CA5A: variants seen among roughly 807,000 people sequenced by gnomAD.
CA5A encodes the protein carbonic anhydrase 5A, also known as carbonic anhydrase 5A, mitochondrial.
A neutral mutation model predicts 37.1 loss-of-function variants in CA5A; 28 were observed. The ratio of observed to expected loss-of-function variants is 0.75; its 90% CI spans 0.56 to 1.03. The LOEUF (loss-of-function observed/expected upper bound fraction) is 1.03. Among genes scored for constraint, CA5A ranks in the 50% least tolerant of loss-of-function variants. The pLI is 0.00. For synonymous variants in CA5A, 171 were observed against 158.4 expected (o/e 1.08, Z -0.60); for missense variants, 444 against 399.9 (o/e 1.11, Z -0.94).
chr16:87,907,696 A>G (rs891347551), intron 2 of CA5A, among the ~76,000 whole-genome samples: 6 of 152,186 alleles, frequency 3.9e-5, no homozygotes, highest in African/African-American at 1.4e-4. Context: ...AGGCCAAGGT[A>G]GGCAGATCAC....
chr16:87,918,544 G>A (rs910302050), intron 2 of CA5A, among the ~76,000 whole-genome samples: 25 of 152,214 alleles, frequency 1.6e-4, no homozygotes, highest in Admixed American at 1.4e-3. Context: ...ACTGCTGGCA[G>A]TGTCCACGCC....
rs537863318 is a variant in CA5A at position 87,928,978 on chromosome 16, C to G, written c.143-2033G>C. Among the ~76,000 whole-genome samples, 11 of 149,686 alleles carry G rather than the reference C, an allele frequency of 7.3e-5. No individual in the cohort carries two copies. In the South Asian group the frequency reaches 2.3e-3, roughly 32 times the overall value. ...TAGAGACGGGGTTTCACTGTGTTAG[C>G]CAGGATGGTCTCCATCTCCTGACCT... is the stretch of plus-strand genomic sequence containing the variant. On this transcript the variant is annotated intron_variant, in intron 1 of 6. Coordinates refer to ENST00000649794, the MANE Select transcript of CA5A (RefSeq NM_001739.2).
In CA5A at chr16:87,931,758, G is replaced by C. The variant is rs546219214; in HGVS notation, c.142+4551C>G. ...GCCGGAAAGCAGTGACTAAGCCGGC[G>C]CTGGGAAACAGTGGGCCCTGCGGCA... is the stretch of plus-strand genomic sequence containing the variant. On this transcript the variant is annotated intron_variant, in intron 1 of 6. Coordinates refer to ENST00000649794, the MANE Select transcript of CA5A (RefSeq NM_001739.2). Among the ~76,000 whole-genome samples, 37 of 152,302 alleles carry C rather than the reference G, an allele frequency of 2.4e-4. 1 individual carries two copies. In the South Asian group the frequency reaches 7.5e-3, roughly 31 times the overall value.
chr16:87,927,042 G>T (rs1260413867), intron 1 of CA5A, 97 bp from the exon 2 acceptor site: 2 of 855,760 alleles, frequency 2.3e-6, no homozygotes, highest in Non-Finnish European at 3.6e-6. Flanking sequence ...GACCCCTCAC[G>T]TCCTGGCTCA....
At chr16:87,882,417 C>G (rs760248480) in intron 4 of CA5A, 1 of 152,220 alleles carries the variant, frequency 6.6e-6, no homozygotes, top group Non-Finnish European at 1.5e-5. Context: ...AGCGGGTCAG[C>G]GACAACTTTC....
intron 2 of CA5A, among the ~76,000 whole-genome samples, chr16:87,906,845 C>T (rs2055968566): frequency 6.6e-6 from 1 of 152,150 alleles, no homozygotes. Flanking sequence ...TTCTATTCTC[C>T]TTAAACATAC....
At chr16:87,886,152 T>G (rs1265946257), downstream of CA5A, 1 of 150,332 alleles carries the variant, frequency 6.7e-6, no homozygotes, top group Non-Finnish European at 1.5e-5. Context: ...AGTTTTTTTT[T>G]TTTTTTTTTT....
intron 2 of CA5A, among the ~76,000 whole-genome samples, chr16:87,921,592 C>T (rs1358606328): frequency 4.6e-5 from 7 of 152,202 alleles, no homozygotes; most frequent in Admixed American, 3.3e-4. Flanking sequence ...TGAGTGGCCA[C>T]GCCCAGGTCC....
chr16:87,892,579 AAAT>A (rs2055735728), intron 5 of CA5A, among the ~76,000 whole-genome samples: 1 of 148,808 alleles, frequency 6.7e-6, no homozygotes, highest in Non-Finnish European at 1.5e-5. Flanking sequence ...ATAAAAATAA[AAAT>A]AAAGCCATTT....
chr16:87,903,150 C>T lies in CA5A; in HGVS notation c.460-630G>A, dbSNP rs115534644. Among the ~76,000 whole-genome samples the T allele has an allele frequency of 6.9e-3, 1,040 of 151,480 alleles. 9 individuals are homozygous for T. The highest frequency in any genetic ancestry group is 0.024 in the African/African-American group (984 of 41,244). On this transcript the variant is annotated intron_variant, in intron 3 of 6. Coordinates refer to ENST00000649794, the MANE Select transcript of CA5A (RefSeq NM_001739.2). ...GAATTACCAGAAGAAACTCAGGCCT[C>T]GGCTGGGCGCGGTGGCTCACGCCTA...
Position 87,910,074 on chromosome 16 carries a change from G to C in CA5A, c.341-5170C>G, listed in dbSNP as rs1393953951. Among the ~76,000 whole-genome samples, 2 of 147,286 alleles carry C rather than the reference G, an allele frequency of 1.4e-5. 1 individual carries two copies. The highest frequency in any genetic ancestry group is 3.9e-4 in the East Asian group (2 of 5,138). Reference sequence around the variant, plus strand: ...CCTTAGCACAACGCTTGACGTAAAGGAAGCACTCTAAAACAAACAAACAAA... The same window carrying C: ...CCTTAGCACAACGCTTGACGTAAAGCAAGCACTCTAAAACAAACAAACAAA... On this transcript the variant is annotated intron_variant, in intron 2 of 6. Transcript: ENST00000649794.
intron 1 of CA5A, among the ~76,000 whole-genome samples, chr16:87,932,193 C>G (rs186520309): frequency 1.1e-4 from 17 of 152,250 alleles, no homozygotes; most frequent in East Asian, 7.7e-4. Flanking sequence ...CACTCTACCC[C>G]CCCTCCCACG....
chr16:87,891,803 C>A lies in CA5A; in HGVS notation c.770G>T (p.Ser257Ile). 6.6e-7 allele frequency: 1 copy of A among 1,525,042 alleles called. No individual in the cohort carries two copies. Among genetic ancestry groups the A allele is most frequent in the Non-Finnish European group, 8.8e-7 (1 of 1,140,118 alleles). 94.5% of individuals were successfully genotyped at this position (1,525,042 alleles called of 1,614,324 possible). Residue 257 changes from serine to isoleucine, a missense_variant, in exon 6 of 7, where the codon AGC becomes ATC. Transcript: ENST00000649794. Reference protein sequence around the residue: ...IQKEPVEVAPSQLSAFRTLLF... With the variant: ...IQKEPVEVAPIQLSAFRTLLF... ...CCAGTTACGGGCACGGCTCACCTGG[C>A]TTGGGGCCACTTCAACGGGCTCCTT... is the stretch of plus-strand genomic sequence containing the variant.
Position 87,891,802 on chromosome 16 carries a change from G to A in CA5A, c.771C>T (p.Ser257=), listed in dbSNP as rs751016308. The A allele has an allele frequency of 7.9e-6, 12 of 1,525,042 alleles. No individual in the cohort carries two copies. Among genetic ancestry groups the A allele is most frequent in the Non-Finnish European group, 9.6e-6 (11 of 1,140,168 alleles). The allele number at this position is 1,525,042 out of a possible 1,614,324, so 94.5% of individuals were successfully genotyped here. A position where few individuals can be genotyped will look rare whatever the true frequency, so the allele number is the denominator to read the frequency against. Residue 257 remains serine, a synonymous_variant, in exon 6 of 7, where the codon AGC becomes AGT. Coordinates refer to ENST00000649794, the MANE Select transcript of CA5A (RefSeq NM_001739.2). ...GCCAGTTACGGGCACGGCTCACCTG[G>A]CTTGGGGCCACTTCAACGGGCTCCT... ...IQKEPVEVAP[S]QLSAFRTLLF...
chr16:87,892,988 G>A lies in CA5A; in HGVS notation c.619-1034C>T, dbSNP rs1597543524. 4 of 1,189,256 alleles carry A rather than the reference G, an allele frequency of 3.4e-6. No individual in the cohort carries two copies. In the South Asian group the frequency reaches 3.9e-5, roughly 12 times the overall value. The allele number at this position is 1,189,256 out of a possible 1,614,324, so 73.7% of individuals were successfully genotyped here. A position where few individuals can be genotyped will look rare whatever the true frequency, so the allele number is the denominator to read the frequency against. On this transcript the variant is annotated intron_variant, in intron 5 of 6. Transcript: ENST00000649794. ...AGGAGGGAGTCATGGTGGCCAAGAA[G>A]GATGTCCACATGCCTAAGCACCCGG...
rs1178030194 is a variant in CA5A, at chr16:87,929,623, A to G, written c.143-2678T>C. Among the ~76,000 whole-genome samples, 4 of 152,124 alleles carry G rather than the reference A, an allele frequency of 2.6e-5. No individual in the cohort carries two copies. In the South Asian group the frequency reaches 8.3e-4, roughly 31 times the overall value. On this transcript the variant is annotated intron_variant, in intron 1 of 6. Transcript: ENST00000649794. ...TGCAGTTGCTCACGCCTATAATCCC[A>G]GCACTTTGGGAGGCCGAGGTGGGCG...
At chr16:87,886,640 C>G (rs1196229953), downstream of CA5A, 1 of 151,922 alleles carries the variant, frequency 6.6e-6, no homozygotes, top group African/African-American at 2.4e-5. Flanking sequence ...CTATTGGAGC[C>G]CAGGAGTTCA....
intron 2 of CA5A, among the ~76,000 whole-genome samples, chr16:87,920,609 C>A (rs2056217238): frequency 6.6e-6 from 1 of 151,346 alleles, no homozygotes; most frequent in South Asian, 2.1e-4. Context: ...TGCGCCTGGC[C>A]AATTTAGTCA....
chr16:87,921,740 C>T lies in CA5A; in HGVS notation c.340+5008G>A, dbSNP rs542492556. 9.4e-4 allele frequency among the ~76,000 whole-genome samples: 143 copies of T among 152,328 alleles called. 1 individual carries two copies. Among genetic ancestry groups the T allele is most frequent in the Admixed American group, 8.2e-3 (125 of 15,290 alleles). The stretch of plus-strand genomic sequence containing the variant: ...CACAGCAGATGCCCTTACAAAGCCA[C>T]GGACTGGCGGGATCAGCGGCACCTG... On this transcript the variant is annotated intron_variant, in intron 2 of 6. Transcript: ENST00000649794.
Sources: gnomAD v4.1 joint callset for allele counts (sites outside exome capture counted in the v4.1 genomes callset) on GRCh38, gnomAD v4.1.1 for gene constraint, MANE v1.5 for transcripts, NCBI Gene and HGNC (gene_info 2026-07-23, HGNC 2026-07-21) for gene names.